Variants in DNMBP observed in about 807,000 individuals in gnomAD.
DNMBP encodes the protein dynamin-binding protein.
A neutral mutation model predicts 150.0 loss-of-function variants in DNMBP; 87 were observed. The ratio of observed to expected loss-of-function variants is 0.58; its 90% CI spans 0.49 to 0.69. The LOEUF (loss-of-function observed/expected upper bound fraction) is 0.69. DNMBP is among the 30% of genes least tolerant of loss of function. DNMBP has a pLI of 0.00. For synonymous variants in DNMBP, 711 were observed against 750.4 expected (o/e 0.95, Z 0.86); for missense variants, 1,774 against 1,949.0 (o/e 0.91, Z 1.69).
At chr10:100,008,245 C>T (rs919174125) in intron 1 of DNMBP, among the ~76,000 whole-genome samples, 4 of 152,220 alleles carry the variant, frequency 2.6e-5, no homozygotes, top group Non-Finnish European at 5.9e-5. Flanking sequence ...AAATAAATAA[C>T]TGGTGCATAT....
Position 99,898,198 on chromosome 10 carries a change from C to G in DNMBP, c.2808G>C (p.Leu936Phe). Reference protein sequence around the residue: ...VMRYPLLLMELLNSTPESHPD... With the variant: ...VMRYPLLLMEFLNSTPESHPD... ...GGTGGGATTCTGGGGTGGAATTCAGCAACTCCATTAGCAACAGCGGGTAAC... is the reference window on the plus strand; with the variant it reads ...GGTGGGATTCTGGGGTGGAATTCAGGAACTCCATTAGCAACAGCGGGTAAC... The change falls in exon 9 of 17, where the codon TTG becomes TTC. Residue 936 changes from leucine to phenylalanine, a missense_variant. Physicochemically the swap from Leu to Phe is conservative, Grantham distance 22. This residue lies in a region of DNMBP where 1,430 missense variants were observed against 1,492.5 expected (regional missense o/e 0.96). Coordinates refer to ENST00000324109, the MANE Select transcript of DNMBP (RefSeq NM_015221.4). 6.2e-7 allele frequency: 1 copy of G among 1,613,920 alleles called. No homozygotes were observed. The highest frequency in any genetic ancestry group is 1.1e-5 in the South Asian group (1 of 91,070).
intron 3 of DNMBP, among the ~76,000 whole-genome samples, chr10:99,965,269 C>T (rs1371560161): frequency 6.6e-6 from 1 of 152,086 alleles, no homozygotes; most frequent in Non-Finnish European, 1.5e-5. Context: ...AGTAACTAGT[C>T]CAAGGTCACA....
chr10:99,961,364 AC>A (rs920886928), intron 3 of DNMBP, among the ~76,000 whole-genome samples: 1 of 120,766 alleles, frequency 8.3e-6, no homozygotes, highest in African/African-American at 3.3e-5. Context: ...AGCCTTGACC[AC>A]CCGGGCTCAA....
At chr10:99,930,081 T>C in intron 4 of DNMBP, 2 of 702,952 alleles carry the variant, frequency 2.8e-6, no homozygotes, top group Middle Eastern at 2.3e-4. Context: ...AAATTCCTTA[T>C]CTTCATTGAC....
chr10:99,952,986 T>C (rs2133324707), intron 4 of DNMBP, among the ~76,000 whole-genome samples: 1 of 152,306 alleles, frequency 6.6e-6, no homozygotes, highest in South Asian at 2.1e-4. Flanking sequence ...AAATCTCTGG[T>C]ACACAAGCCA....
At chr10:99,911,959 T>C (rs2039905418) in intron 4 of DNMBP, among the ~76,000 whole-genome samples, 1 of 152,210 alleles carries the variant, frequency 6.6e-6, no homozygotes, top group Admixed American at 6.5e-5. Context: ...TCATTTTAAA[T>C]ACAAGACTAA....
intron 9 of DNMBP, 60 bp downstream of exon 9, chr10:99,898,026 T>C (rs1228182300): frequency 6.8e-7 from 1 of 1,471,402 alleles, no homozygotes; most frequent in Non-Finnish European, 9.5e-7. Flanking sequence ...ATGAATTGTT[T>C]TGAGAAGAAA....
rs533784419 is a variant in DNMBP at position 99,929,125 on chromosome 10, C to T, written c.2261-19979G>A. Among the ~76,000 whole-genome samples the T allele has an allele frequency of 1.7e-4, 25 of 150,748 alleles. No homozygotes were observed. The East Asian group carries it at 3.9e-3, about 23-fold the overall frequency. Reference sequence around the variant, plus strand: ...TGCCACTGTTCTCCAGCCAGGGGGACAGAATGAGATCTTGTTTCAAAAAAA... The same window carrying T: ...TGCCACTGTTCTCCAGCCAGGGGGATAGAATGAGATCTTGTTTCAAAAAAA... On this transcript the variant is annotated intron_variant, in intron 4 of 16. Transcript: ENST00000324109.
chr10:99,983,274 A>G (rs917459157), intron 1 of DNMBP, among the ~76,000 whole-genome samples: 2 of 152,238 alleles, frequency 1.3e-5, no homozygotes, highest in South Asian at 4.1e-4. Flanking sequence ...TCTAACCTTA[A>G]AAGCAACTGC....
intron 1 of DNMBP, among the ~76,000 whole-genome samples, chr10:99,990,987 T>C (rs1222443256): frequency 6.6e-6 from 1 of 152,128 alleles, no homozygotes; most frequent in African/African-American, 2.4e-5. Context: ...ACTATACAAT[T>C]CACCCATTTA....
chr10:99,923,683 T>C (rs1001486110), intron 4 of DNMBP, among the ~76,000 whole-genome samples: 2 of 152,172 alleles, frequency 1.3e-5, no homozygotes, highest in African/African-American at 2.4e-5. Context: ...TTTCCTCCAC[T>C]GTGTTCCTCA....
At position 99,956,462 on chromosome 10, in the gene DNMBP, T is replaced by G; in HGVS notation, c.1012A>C (p.Arg338=). The change falls in exon 4 of 17, where the codon AGA becomes CGA. Residue 338 remains arginine, a synonymous_variant. Coordinates refer to ENST00000324109, the MANE Select transcript of DNMBP (RefSeq NM_015221.4). The part of the protein sequence containing the change: ...LENTLGVEEQ[R]HETSDHEAEE... ...GCCTCATGGTCACTGGTTTCATGTCTTTGTTCCTCTACTCCTAAGGTGTTC... is the reference window on the plus strand; with the variant it reads ...GCCTCATGGTCACTGGTTTCATGTCGTTGTTCCTCTACTCCTAAGGTGTTC... 1 of 1,614,168 alleles carries G rather than the reference T, an allele frequency of 6.2e-7. No homozygotes were observed. Among genetic ancestry groups the G allele is most frequent in the Non-Finnish European group, 8.5e-7 (1 of 1,180,030 alleles).
At chr10:99,889,592 ACTC>A (rs1257078899) in intron 11 of DNMBP, 2 of 152,082 alleles carry the variant, frequency 1.3e-5, no homozygotes, top group African/African-American at 4.8e-5. Context: ...CACATAGTCA[ACTC>A]CTCCTGACAG....
rs758342113 is a variant in DNMBP at position 99,880,012 on chromosome 10, A to G, written c.4347T>C (p.Ser1449=). 20 of 1,614,096 alleles carry G rather than the reference A, an allele frequency of 1.2e-5. No homozygotes were observed. The highest frequency in any genetic ancestry group is 8.5e-7 in the Non-Finnish European group (1 of 1,180,044). The change falls in exon 16 of 17, where the codon TCT becomes TCC. Residue 1449 remains serine, a synonymous_variant. Coordinates refer to ENST00000324109, the MANE Select transcript of DNMBP (RefSeq NM_015221.4). ...GCTTTACATCTCTAGCTACATCTGC[A>G]GAGTCCCCTGACCTTGGCTGGGAGG... ...DSTSQPRSGD[S]ADVARDVKQP...
chr10:100,002,388 A>G (rs1488310863), intron 1 of DNMBP, among the ~76,000 whole-genome samples: 1 of 152,232 alleles, frequency 6.6e-6, no homozygotes, highest in Non-Finnish European at 1.5e-5. Context: ...CCTAGCAGTT[A>G]GTGCTGCTAA....
intron 14 of DNMBP, 129 bp downstream of exon 14, chr10:99,885,558 T>G (rs1313473044): frequency 2.2e-6 from 2 of 899,914 alleles, no homozygotes; most frequent in Non-Finnish European, 3.3e-6. Flanking sequence ...TGGGTGAGAA[T>G]GCAACACTAT....
chr10:99,981,926 C>T (rs1178178468), intron 1 of DNMBP, among the ~76,000 whole-genome samples: 1 of 152,216 alleles, frequency 6.6e-6, no homozygotes, highest in African/African-American at 2.4e-5. Context: ...CTTTCTCTTG[C>T]ATCAGGTAAC....
At chr10:99,969,360 C>T in intron 2 of DNMBP, 123 bp from the exon 3 acceptor site, 2 of 928,786 alleles carry the variant, frequency 2.2e-6, no homozygotes, top group East Asian at 5.2e-5. Flanking sequence ...TCAGGGAATA[C>T]TCATAATTGG....
intron 4 of DNMBP, chr10:99,927,195 C>T (rs2040089752): frequency 6.6e-6 from 1 of 152,114 alleles, no homozygotes; most frequent in African/African-American, 2.4e-5. Context: ...ACAGGACATT[C>T]CACTTAGACA....
Sources: allele counts gnomAD v4.1 joint callset (sites outside exome capture counted in the v4.1 genomes callset), GRCh38; gene constraint gnomAD v4.1.1; regional missense constraint gnomAD v4.1.1; transcripts MANE v1.5; gene names NCBI Gene and HGNC (gene_info 2026-07-23, HGNC 2026-07-21).